ROBO2: variants seen among roughly 807,000 people sequenced by gnomAD.
The protein encoded by ROBO2 is roundabout homolog 2.
ROBO2 carries 53 observed loss-of-function variants against 160.8 expected under a neutral mutation model. The ratio of observed to expected loss-of-function variants is 0.33; its 90% CI spans 0.26 to 0.41. The LOEUF is 0.41. Ranked by LOEUF, ROBO2 falls within the 10% of genes least tolerant of loss-of-function variation. The probability of loss-of-function intolerance (pLI) is 1.00; values close to 1 mark genes in which losing one functional copy is unlikely to be tolerated. For missense variants in ROBO2, 1,577 were observed against 1,722.4 expected (o/e 0.92, Z 1.49); for synonymous variants, 664 against 611.7 (o/e 1.09, Z -1.26).
At chr3:76,209,418 T>C (rs1472292412) in intron 2 of ROBO2, among the ~76,000 whole-genome samples, 3 of 152,186 alleles carry the variant, frequency 2.0e-5, no homozygotes, top group Non-Finnish European at 2.9e-5. Context: ...AGATTCTCTT[T>C]AGTCCCAATA....
At chr3:76,932,720 T>C (rs532774382) in intron 2 of ROBO2, among the ~76,000 whole-genome samples, 19 of 152,322 alleles carry the variant, frequency 1.2e-4, no homozygotes, top group African/African-American at 3.6e-4. Context: ...TCAGTACTTA[T>C]ATGTTGTATT....
intron 2 of ROBO2, among the ~76,000 whole-genome samples, chr3:77,004,546 T>C (rs2061487903): frequency 6.6e-6 from 1 of 152,248 alleles, no homozygotes; most frequent in Admixed American, 6.5e-5. Context: ...TTCTAACTTA[T>C]CCAGGAAAGC....
At chr3:76,255,647 A>C (rs1009254649) in intron 2 of ROBO2, among the ~76,000 whole-genome samples, 17 of 152,152 alleles carry the variant, frequency 1.1e-4, no homozygotes, top group African/African-American at 4.1e-4. Flanking sequence ...AATTGAAAAT[A>C]AACTATAATA....
intron 2 of ROBO2, among the ~76,000 whole-genome samples, chr3:76,269,597 AAAC>A (rs1163498169): frequency 6.6e-6 from 1 of 151,846 alleles, no homozygotes; most frequent in Non-Finnish European, 1.5e-5. Context: ...GAAAAAAAAA[AAAC>A]AGAGTAAATG....
chr3:76,874,163 T>C (rs559999675), intron 2 of ROBO2, among the ~76,000 whole-genome samples: 1 of 152,264 alleles, frequency 6.6e-6, no homozygotes, highest in South Asian at 2.1e-4. Context: ...ACAAAGGCTT[T>C]AGCTTAAACA....
At chr3:76,506,037 C>T (rs1045504619) in intron 2 of ROBO2, among the ~76,000 whole-genome samples, 6 of 152,174 alleles carry the variant, frequency 3.9e-5, no homozygotes, top group Non-Finnish European at 5.9e-5. Context: ...TACTGACTCA[C>T]CTGAATATGA....
chr3:76,465,998 G>GGGGTGTGTGTGTGT (rs143188456), intron 2 of ROBO2, among the ~76,000 whole-genome samples: 1 of 147,566 alleles, frequency 6.8e-6, no homozygotes, highest in African/African-American at 2.5e-5. Context: ...ATAAAATATG[G>GGGGTGTGTGTGTGT]GTGTGTGTGT....
intron 2 of ROBO2, among the ~76,000 whole-genome samples, chr3:76,141,038 C>T (rs2071614851): frequency 1.5e-5 from 1 of 66,924 alleles, no homozygotes; most frequent in African/African-American, 5.0e-5. Context: ...CACACACACA[C>T]ACACAGATGT....
At chr3:76,089,618 C>CA (rs2069146793) in intron 2 of ROBO2, among the ~76,000 whole-genome samples, 1 of 152,000 alleles carries the variant, frequency 6.6e-6, no homozygotes, top group Non-Finnish European at 1.5e-5. Flanking sequence ...AAACATTTGA[C>CA]AAAATCAAAC....
intron 2 of ROBO2, among the ~76,000 whole-genome samples, chr3:77,216,288 C>T (rs1580079367): frequency 6.6e-6 from 1 of 152,146 alleles, no homozygotes; most frequent in East Asian, 1.9e-4. Context: ...GGCGCCCCTC[C>T]CCCAGCCTCA....
intron 2 of ROBO2, among the ~76,000 whole-genome samples, chr3:76,059,272 T>G (rs2067979957): frequency 6.6e-6 from 1 of 151,588 alleles, no homozygotes; most frequent in Admixed American, 6.6e-5. Context: ...ACCAACAGTG[T>G]AAAAGTGTTC....
intron 2 of ROBO2, among the ~76,000 whole-genome samples, chr3:76,828,565 T>A (rs1199513312): frequency 6.6e-6 from 1 of 152,174 alleles, no homozygotes; most frequent in East Asian, 1.9e-4. Context: ...TTAGTGAAAG[T>A]TACCAGCCAT....
At chr3:77,179,313 CAA>C (rs200508305) in intron 2 of ROBO2, among the ~76,000 whole-genome samples, 2 of 134,418 alleles carry the variant, frequency 1.5e-5, no homozygotes, top group African/African-American at 2.7e-5. Flanking sequence ...AATAAGCCTG[CAA>C]AAAAAAAAAA....
At chr3:76,669,725 A>G (rs1029644143) in intron 2 of ROBO2, among the ~76,000 whole-genome samples, 1 of 152,224 alleles carries the variant, frequency 6.6e-6, no homozygotes, top group East Asian at 1.9e-4. Flanking sequence ...TGCAAGTTTC[A>G]TGCTGTTACA....
At chr3:75,972,844 G>A (rs138337735) in intron 2 of ROBO2, among the ~76,000 whole-genome samples, 14 of 151,642 alleles carry the variant, frequency 9.2e-5, no homozygotes, top group African/African-American at 2.9e-4. Context: ...TCCCTCTAAG[G>A]CAGTCTGGCA....
intron 2 of ROBO2, among the ~76,000 whole-genome samples, chr3:76,518,245 G>C: frequency 6.6e-6 from 1 of 152,114 alleles, no homozygotes. Context: ...GGCACTTTCT[G>C]TATTTTGGCT....
chr3:76,443,491 C>T (rs1319830660), intron 2 of ROBO2, among the ~76,000 whole-genome samples: 1 of 152,032 alleles, frequency 6.6e-6, no homozygotes, highest in Non-Finnish European at 1.5e-5. Context: ...TGGCTACTAC[C>T]ACGACTGCTA....
intron 2 of ROBO2, among the ~76,000 whole-genome samples, chr3:75,969,166 T>G (rs375723276): frequency 1.5e-4 from 22 of 148,492 alleles, no homozygotes; most frequent in African/African-American, 4.9e-4. Context: ...ATTACAGAGT[T>G]TATAAGATTA....
chr3:76,150,068 TCATCTGTCTAAAACACA>T (rs2072111826), intron 2 of ROBO2, among the ~76,000 whole-genome samples: 1 of 82,110 alleles, frequency 1.2e-5, no homozygotes, highest in African/African-American at 4.9e-5. Context: ...TTTAAAACAC[TCATCTGTCTAAAACACA>T]CATCTGTCTA....
Sources: gnomAD v4.1 joint callset for allele counts (sites outside exome capture counted in the v4.1 genomes callset) on GRCh38, gnomAD v4.1.1 for gene constraint, MANE v1.5 for transcripts, NCBI Gene and HGNC (gene_info 2026-07-23, HGNC 2026-07-21) for gene names.